LMX1A: variants seen among roughly 807,000 people sequenced by gnomAD.
The protein encoded by LMX1A is LIM homeobox transcription factor 1-alpha.
LMX1A carries 15 observed loss-of-function variants against 49.1 expected under a neutral mutation model. The observed-to-expected ratio is 0.31, with a 90% CI of 0.20 to 0.47. LMX1A has a LOEUF of 0.47. Ranked by LOEUF, LMX1A falls within the 20% of genes least tolerant of loss-of-function variation. The probability of loss-of-function intolerance (pLI) is 1.00; values close to 1 mark genes in which losing one functional copy is unlikely to be tolerated. For synonymous variants in LMX1A, 167 were observed against 185.7 expected, an observed-to-expected ratio of 0.90 and a Z score of 0.82; for missense variants, 372 against 475.8, an observed-to-expected ratio of 0.78 and a Z score of 2.03.
At chr1:165,329,665 T>C (rs1278401332) in intron 3 of LMX1A, among the ~76,000 whole-genome samples, 1 of 101,536 alleles carries the variant, frequency 9.8e-6, no homozygotes, top group Non-Finnish European at 1.9e-5. Context: ...TATGGGTGAA[T>C]AAGAGGTTAA....
At chr1:165,255,570 T>G (rs115597330) in intron 3 of LMX1A, among the ~76,000 whole-genome samples, 1 of 152,220 alleles carries the variant, frequency 6.6e-6, no homozygotes. Flanking sequence ...TAAATGTACA[T>G]GGAGTACTTT....
At chr1:165,250,532 A>G (rs977783167) in intron 3 of LMX1A, among the ~76,000 whole-genome samples, 2 of 152,224 alleles carry the variant, frequency 1.3e-5, no homozygotes, top group African/African-American at 2.4e-5. Context: ...ACTGCATCCC[A>G]ACTTCCCAGC....
intron 3 of LMX1A, among the ~76,000 whole-genome samples, chr1:165,331,594 T>G (rs1020827826): frequency 1.3e-5 from 2 of 152,162 alleles, no homozygotes; most frequent in Admixed American, 6.5e-5. Flanking sequence ...AACTTAAAGA[T>G]AGATAAATAG....
At chr1:165,263,689 C>A (rs1042986672) in intron 3 of LMX1A, among the ~76,000 whole-genome samples, 13 of 152,198 alleles carry the variant, frequency 8.5e-5, no homozygotes, top group Non-Finnish European at 1.6e-4. Context: ...TCAGATCATG[C>A]CCCTCATCTG....
intron 3 of LMX1A, among the ~76,000 whole-genome samples, chr1:165,318,983 CCTCT>C (rs137990365): frequency 2.2e-5 from 3 of 136,074 alleles, no homozygotes; most frequent in African/African-American, 5.6e-5. Flanking sequence ...GCTGAGATCT[CCTCT>C]CTCTCTCTCT....
intron 3 of LMX1A, among the ~76,000 whole-genome samples, chr1:165,332,333 TAAAA>T (rs1201919706): frequency 1.3e-5 from 2 of 151,978 alleles, no homozygotes; most frequent in Non-Finnish European, 2.9e-5. Flanking sequence ...ACACTTGAAT[TAAAA>T]GAAAGAGATA....
chr1:165,244,313 A>T (rs1652765250), intron 4 of LMX1A, among the ~76,000 whole-genome samples: 1 of 152,206 alleles, frequency 6.6e-6, no homozygotes, highest in African/African-American at 2.4e-5. Flanking sequence ...GCTGCTCTAG[A>T]AAATTTAGTC....
intron 4 of LMX1A, among the ~76,000 whole-genome samples, chr1:165,234,562 C>T (rs1652362306): frequency 6.6e-6 from 1 of 152,016 alleles, no homozygotes; most frequent in Non-Finnish European, 1.5e-5. Context: ...AGTATCTAAC[C>T]CAGAGTCTGA....
chr1:165,321,117 T>G (rs1655374037), intron 3 of LMX1A, among the ~76,000 whole-genome samples: 1 of 152,204 alleles, frequency 6.6e-6, no homozygotes, highest in Non-Finnish European at 1.5e-5. Context: ...AAAAACATTA[T>G]GCTGAGTAAA....
chr1:165,318,569 C>G (rs2101741117), intron 3 of LMX1A, among the ~76,000 whole-genome samples: 1 of 152,258 alleles, frequency 6.6e-6, no homozygotes, highest in African/African-American at 2.4e-5. Context: ...CCCCTTCTCC[C>G]AGACAATTTT....
chr1:165,233,552 G>T (rs1192079069), intron 4 of LMX1A, among the ~76,000 whole-genome samples: 1 of 152,180 alleles, frequency 6.6e-6, no homozygotes, highest in Middle Eastern at 3.2e-3. Flanking sequence ...AGATCTATGT[G>T]TTCAACTGCC....
chr1:165,249,498 C>G lies in LMX1A; in HGVS notation c.406G>C (p.Val136Leu). 6.2e-7 allele frequency: 1 copy of G among 1,614,210 alleles called. No individual in the cohort carries two copies. Among genetic ancestry groups the G allele is most frequent in the Non-Finnish European group, 8.5e-7 (1 of 1,180,046 alleles). ...ERQLQKGDEF[V>L]LKEGQLLCKG... ...CAGAGCAGCTGCCCCTCCTTCAGGA[C>G]AAACTCATCACCCTTCTGAAGCTGT... The change falls in exon 4 of 9, where the codon GTC (valine) becomes CTC (leucine). Residue 136 changes from valine (V) to leucine (L), a missense_variant. Transcript: ENST00000342310.
intron 3 of LMX1A, among the ~76,000 whole-genome samples, chr1:165,306,088 T>C (rs1053836046): frequency 1.3e-5 from 2 of 152,184 alleles, no homozygotes; most frequent in African/African-American, 4.8e-5. Flanking sequence ...TCTGAACCTG[T>C]ATCCCTAAGC....
chr1:165,355,506 C>G lies in LMX1A; in HGVS notation c.54G>C (p.Ser18=), dbSNP rs1571241254. ...CACCCAGCAGCGAGGAGAAGGAGGC[C>G]GAGGTGTCGATCGCGCTTTGGAAGT... ...EENFQSAIDT[S]ASFSSLLGRA... The change falls in exon 2 of 9, where the codon TCG becomes TCC. Residue 18 remains serine (S), a synonymous_variant. Transcript: ENST00000342310. The surrounding 1 kb of genome is among the most constrained non-coding windows in gnomAD (Gnocchi z 4.7). 6.2e-7 allele frequency: 1 copy of G among 1,614,014 alleles called. No homozygotes were observed. Among genetic ancestry groups the G allele is most frequent in the South Asian group, 1.1e-5 (1 of 91,034 alleles).
chr1:165,214,713 C>T (rs1259957952), intron 4 of LMX1A, among the ~76,000 whole-genome samples: 1 of 152,200 alleles, frequency 6.6e-6, no homozygotes, highest in Non-Finnish European at 1.5e-5. Flanking sequence ...TAGAGAAAAG[C>T]ATTAGATTAC....
chr1:165,313,598 G>C (rs967720304), intron 3 of LMX1A, among the ~76,000 whole-genome samples: 7 of 151,386 alleles, frequency 4.6e-5, no homozygotes, highest in African/African-American at 9.7e-5. Flanking sequence ...TGGAATCCCA[G>C]GCTGGAAACT....
intron 8 of LMX1A, among the ~76,000 whole-genome samples, chr1:165,205,066 T>C (rs1352636818): frequency 6.6e-6 from 1 of 152,214 alleles, no homozygotes; most frequent in African/African-American, 2.4e-5. Context: ...GAATCTCTGA[T>C]ACTAATGTTT....
intron 3 of LMX1A, among the ~76,000 whole-genome samples, chr1:165,344,114 G>A (rs992077865): frequency 2.6e-5 from 4 of 152,326 alleles, no homozygotes; most frequent in South Asian, 2.1e-4. Flanking sequence ...AGGAAAACAA[G>A]TGCTGTGGTT....
intron 4 of LMX1A, among the ~76,000 whole-genome samples, chr1:165,245,954 A>G (rs1003338775): frequency 1.3e-5 from 2 of 151,550 alleles, no homozygotes; most frequent in Non-Finnish European, 2.9e-5. Context: ...TCTTCATCCA[A>G]GTCATTGATA....
Sources: gnomAD v4.1 joint callset for allele counts (sites outside exome capture counted in the v4.1 genomes callset) on GRCh38, gnomAD v4.1.1 for gene constraint, Gnocchi (gnomAD v3.1) non-coding constraint, MANE v1.5 for transcripts, NCBI Gene and HGNC (gene_info 2026-07-23, HGNC 2026-07-21) for gene names.